Variants in LDHD observed in about 807,000 individuals in gnomAD.
The protein encoded by LDHD is D-lactate dehydrogenase, mitochondrial.
Under a neutral mutation model 52.9 loss-of-function variants are expected in LDHD, and 58 were observed. The ratio of observed to expected loss-of-function variants is 1.10; its 90% CI spans 0.89 to 1.36. The LOEUF is 1.36. Ranked by LOEUF, LDHD falls within the 40% of genes most tolerant of loss-of-function variation. The pLI is 0.00. For synonymous variants in LDHD, 350 were observed against 288.6 expected, an observed-to-expected ratio of 1.21 and a Z score of -2.16; for missense variants, 747 against 668.0, an observed-to-expected ratio of 1.12 and a Z score of -1.30.
chr16:75,116,537 T>A, intron 1 of LDHD, 112 bp downstream of exon 1: 1 of 874,212 alleles, frequency 1.1e-6, no homozygotes. Flanking sequence ...TTGCCCAAGG[T>A]CAGGTCACTT....
At position 75,113,424 on chromosome 16, in the gene LDHD, C is replaced by T. The variant is rs557455896; in HGVS notation, c.1086+111G>A. On this transcript the variant is annotated intron_variant, in intron 8 of 10. Coordinates refer to ENST00000450168, the MANE Select transcript of LDHD (RefSeq NM_194436.3). ...TTTCTAGCGCCTGCTCAGCCAGGCCCAGCCCCGTTGTTGAGGCTCAGCCTG... is the reference window on the plus strand; with the variant it reads ...TTTCTAGCGCCTGCTCAGCCAGGCCTAGCCCCGTTGTTGAGGCTCAGCCTG... 1.1e-4 allele frequency: 145 copies of T among 1,342,860 alleles called. No individual in the cohort carries two copies. In the Admixed American group the frequency reaches 3.3e-3, roughly 31 times the overall value. The allele number at this position is 1,342,860 out of a possible 1,614,324, so 83.2% of individuals were successfully genotyped here. A position where few individuals can be genotyped will look rare whatever the true frequency, so the allele number is the denominator to read the frequency against.
intron 1 of LDHD, among the ~76,000 whole-genome samples, chr16:75,115,897 C>T (rs1233265210): frequency 6.6e-6 from 1 of 151,112 alleles, no homozygotes; most frequent in East Asian, 2.0e-4. Flanking sequence ...AAAAACGCCA[C>T]CAGAATTTTT....
Position 75,112,440 on chromosome 16 carries a change from C to G in LDHD, c.1371G>C (p.Val457=), listed in dbSNP as rs1248167974. 2.5e-6 allele frequency: 4 copies of G among 1,613,472 alleles called. No homozygotes were observed. The Middle Eastern group carries it at 6.6e-4, about 266-fold the overall frequency. Residue 457 remains valine, a synonymous_variant, in exon 11 of 11, where the codon GTG becomes GTC. Transcript: ENST00000450168. ...MGKRQLLQEE[V]GAVGVETMRQ... The stretch of plus-strand genomic sequence containing the variant: ...GCATGGTCTCCACGCCCACGGCGCC[C>G]ACCTCCTCCTGCAGCAGCTGCCGCT...
At chr16:75,113,397 T>C in intron 8 of LDHD, 138 bp downstream of exon 8, 1 of 1,070,178 alleles carries the variant, frequency 9.3e-7, no homozygotes, top group East Asian at 2.5e-5. Flanking sequence ...CTGCAGCCCT[T>C]GTTTCTAGCG....
At chr16:75,113,694 C>T (rs775335530) in intron 7 of LDHD, 32 bp from the exon 8 acceptor site, 1 of 1,612,882 alleles carries the variant, frequency 6.2e-7, no homozygotes, top group South Asian at 1.1e-5. Context: ...TGACACCGGG[C>T]CGCCACTGAG....
At chr16:75,113,437 G>A in intron 8 of LDHD, 98 bp downstream of exon 8, 5 of 1,430,334 alleles carry the variant, frequency 3.5e-6, no homozygotes, top group Non-Finnish European at 4.7e-6. Context: ...CCCCGTTGTT[G>A]AGGCTCAGCC....
intron 1 of LDHD, 114 bp from the exon 2 acceptor site, chr16:75,115,774 G>A (rs927509927): frequency 3.2e-6 from 2 of 627,044 alleles, no homozygotes; most frequent in East Asian, 2.9e-5. Flanking sequence ...CCTCCCCTGC[G>A]CCCGCCCCGC....
At position 75,116,682 on chromosome 16, in the gene LDHD, G is replaced by A; in HGVS notation, c.39C>T (p.Phe13=). ...TCTGGGAGCAGTAGCCCCTCCAGGG[G>A]AACAGCTCCCAGGTTGCAGACCTGA... ...RLLRSATWEL[F]PWRGYCSQKA... is the part of the protein sequence containing the mutation. Residue 13 remains phenylalanine (F), a synonymous_variant, in exon 1 of 11, where the codon TTC becomes TTT. Transcript: ENST00000450168. 1 of 1,603,742 alleles carries A rather than the reference G, an allele frequency of 6.2e-7. No individual in the cohort carries two copies. Among genetic ancestry groups the A allele is most frequent in the Non-Finnish European group, 8.5e-7 (1 of 1,175,858 alleles).
intron 2 of LDHD, 27 bp downstream of exon 2, chr16:75,115,521 G>C: frequency 6.2e-7 from 1 of 1,604,724 alleles, no homozygotes; most frequent in Non-Finnish European, 8.5e-7. Flanking sequence ...CAGAAGACAG[G>C]GGAGGGGCCC....
rs1002000786 is a variant in LDHD at position 75,112,125 on chromosome 16, C to T, written c.*231G>A. On this transcript the variant is annotated 3_prime_UTR_variant, in exon 11 of 11. Transcript: ENST00000450168. ...AGGAAGCAGCTTTGCTGGGAACCAC[C>T]CTGGGTCGTTTACTGAACCAAAGGC... 14 of 545,862 alleles carry T rather than the reference C, an allele frequency of 2.6e-5. No individual in the cohort carries two copies. The highest frequency in any genetic ancestry group is 2.5e-4 in the African/African-American group (13 of 52,824). The allele number at this position is 545,862 out of a possible 1,614,324, so 33.8% of individuals were successfully genotyped here. A position where few individuals can be genotyped will look rare whatever the true frequency, so the allele number is the denominator to read the frequency against.
chr16:75,112,968 G>A (rs760149353), intron 8 of LDHD, 44 bp from the exon 9 acceptor site: 9 of 1,460,306 alleles, frequency 6.2e-6, no homozygotes, highest in South Asian at 2.3e-5. Context: ...CTGATTGGGT[G>A]TACGGGGTCA....
At chr16:75,115,489 C>T (rs1370136175) in intron 2 of LDHD, 59 bp downstream of exon 2, 1 of 1,577,910 alleles carries the variant, frequency 6.3e-7, no homozygotes, top group Non-Finnish European at 8.7e-7. Context: ...CCAGCACCCT[C>T]TCTCTCAGCT....
At position 75,112,549 on chromosome 16, in the gene LDHD, G is replaced by A. The variant is rs200895954; in HGVS notation, c.1290-28C>T. 1.8e-4 allele frequency: 290 copies of A among 1,613,134 alleles called. 2 individuals carry two copies. Among genetic ancestry groups the A allele is most frequent in the Middle Eastern group, 3.3e-4 (2 of 6,084 alleles). ...GGGGGCAGGAAGGAGACATCCTCAG[G>A]GGGCTCCCTTTCCTCTGCCCTCAGC... On this transcript the variant is annotated intron_variant, in intron 10 of 10. Coordinates refer to ENST00000450168, the MANE Select transcript of LDHD (RefSeq NM_194436.3).
chr16:75,113,694 C>A (rs775335530), intron 7 of LDHD, 32 bp from the exon 8 acceptor site: 2 of 1,612,882 alleles, frequency 1.2e-6, no homozygotes, highest in East Asian at 4.5e-5. Flanking sequence ...TGACACCGGG[C>A]CGCCACTGAG....
chr16:75,113,044 A>G (rs1043123582), intron 8 of LDHD, 120 bp from the exon 9 acceptor site: 4 of 712,354 alleles, frequency 5.6e-6, no homozygotes, highest in African/African-American at 3.5e-5. Context: ...ACACAAGGAA[A>G]TAATCCTGCT....
chr16:75,112,471 A>C lies in LDHD; in HGVS notation c.1340T>G (p.Met447Arg). 6.2e-7 allele frequency: 1 copy of C among 1,613,390 alleles called. No homozygotes were observed. The highest frequency in any genetic ancestry group is 8.5e-7 in the Non-Finnish European group (1 of 1,179,996). The change falls in exon 11 of 11, where the codon ATG (methionine) becomes AGG (arginine). Residue 447 changes from methionine to arginine, a missense_variant. Met to Arg is a moderately conservative substitution (Grantham distance 91). Transcript: ENST00000450168. ...CTCCTGCAGCAGCTGCCGCTTGCCC[A>C]TTCCGATGCCATGCTCCCCCGTGCA... ...GTCTGEHGIG[M>R]GKRQLLQEEV...
In LDHD at chr16:75,114,041, C is replaced by T. The variant is rs765917965; in HGVS notation, c.754G>A (p.Ala252Thr). The T allele has an allele frequency of 1.9e-6, 3 of 1,609,664 alleles. No individual in the cohort carries two copies. The highest frequency in any genetic ancestry group is 2.5e-6 in the Non-Finnish European group (3 of 1,179,470). The change falls in exon 6 of 11, where the codon GCG becomes ACG. Residue 252 changes from alanine to threonine, a missense_variant. Ala to Thr is a moderately conservative substitution (Grantham distance 58). Transcript: ENST00000450168. Reference protein sequence around the residue: ...APEATVAATCAFPSVQAAVDS... With the variant: ...APEATVAATCTFPSVQAAVDS... ...ACAGCAGCCTGGACACTGGGGAACG[C>T]ACACGTGGCGGCCACTGTGGCCTCA... is the stretch of plus-strand genomic sequence containing the variant.
chr16:75,115,438 G>A, intron 2 of LDHD, 99 bp from the exon 3 acceptor site: 3 of 1,588,974 alleles, frequency 1.9e-6, no homozygotes, highest in Non-Finnish European at 2.6e-6. Flanking sequence ...CAGAGAACAT[G>A]CCAGAGCACC....
chr16:75,113,994 G>A lies in LDHD; in HGVS notation c.801C>T (p.Leu267=). 4 of 1,600,736 alleles carry A rather than the reference G, an allele frequency of 2.5e-6. No individual in the cohort carries two copies. The highest frequency in any genetic ancestry group is 1.1e-5 in the South Asian group (1 of 89,896). ...TGCGGGCTACGGGCACTGCAGCCTG[G>A]AGGATGTGTACAGTGCTGTCCACAG... ...QAAVDSTVHI[L]QAAVPVARIE... Residue 267 remains leucine, a synonymous_variant, in exon 6 of 11, where the codon CTC becomes CTT. Coordinates refer to ENST00000450168, the MANE Select transcript of LDHD (RefSeq NM_194436.3).
Sources: gnomAD v4.1 joint callset for allele counts (sites outside exome capture counted in the v4.1 genomes callset) on GRCh38, gnomAD v4.1.1 for gene constraint, MANE v1.5 for transcripts, NCBI Gene and HGNC (gene_info 2026-07-23, HGNC 2026-07-21) for gene names.